SAMD4A: variants seen among roughly 807,000 people sequenced by gnomAD.
SAMD4A encodes the protein protein Smaug homolog 1.
SAMD4A carries 33 observed loss-of-function variants against 81.3 expected under a neutral mutation model. That is an observed-to-expected ratio of 0.41 (90% CI 0.31 to 0.54). SAMD4A has a LOEUF of 0.54. SAMD4A is among the 20% of genes least tolerant of loss of function. SAMD4A has a pLI of 0.37. For missense variants in SAMD4A, 854 were observed against 951.1 expected (o/e 0.90, Z 1.34); for synonymous variants, 389 against 382.1 (o/e 1.02, Z -0.21).
intron 3 of SAMD4A, chr14:54,703,229 G>T (rs2036765351): frequency 6.6e-6 from 1 of 152,536 alleles, no homozygotes; most frequent in Non-Finnish European, 1.5e-5. Context: ...CTTAGGAGAG[G>T]TGGGTCAGGA....
At chr14:54,637,456 C>G (rs1207536127) in intron 2 of SAMD4A, among the ~76,000 whole-genome samples, 1 of 150,332 alleles carries the variant, frequency 6.7e-6, no homozygotes. Context: ...TGGCAGAAAG[C>G]CAGGAGAGGG....
chr14:54,567,044 T>A (rs1177049591), upstream of SAMD4A: 1 of 148,032 alleles, frequency 6.8e-6, no homozygotes, highest in African/African-American at 2.5e-5. Context: ...GGAGGAGGAG[T>A]AAGAGGAGGA....
chr14:54,597,019 C>T (rs2033927077), intron 2 of SAMD4A, among the ~76,000 whole-genome samples: 1 of 151,980 alleles, frequency 6.6e-6, no homozygotes, highest in African/African-American at 2.4e-5. Flanking sequence ...GTTTCATGCC[C>T]ATTGCATTTT....
chr14:54,743,337 C>G (rs1334723006), intron 4 of SAMD4A, among the ~76,000 whole-genome samples: 1 of 152,186 alleles, frequency 6.6e-6, no homozygotes, highest in African/African-American at 2.4e-5. Flanking sequence ...AAGATATGAC[C>G]CACAGGGATG....
chr14:54,783,649 T>C (rs1342335976), intron 11 of SAMD4A, among the ~76,000 whole-genome samples: 1 of 152,244 alleles, frequency 6.6e-6, no homozygotes, highest in Non-Finnish European at 1.5e-5. Context: ...GGCAGGTGGC[T>C]GAGCCCCGGC....
intron 2 of SAMD4A, among the ~76,000 whole-genome samples, chr14:54,586,498 T>C (rs2033622147): frequency 6.6e-6 from 1 of 152,234 alleles, no homozygotes; most frequent in Non-Finnish European, 1.5e-5. Flanking sequence ...ATGACGTCTT[T>C]ACCTAAGCCA....
rs2039238388 is a variant in SAMD4A at position 54,790,360 on chromosome 14, C to G, written c.*1416C>G. 1 of 152,232 alleles carries G rather than the reference C, an allele frequency of 6.6e-6. No homozygotes were observed. Among genetic ancestry groups the G allele is most frequent in the African/African-American group, 2.4e-5 (1 of 41,448 alleles). 9.4% of individuals were successfully genotyped at this position (152,232 alleles called of 1,614,324 possible). ...TTCAAGATGGAAATGACAGCGCTATCCGCACAGTATGAATTAGGGATTTGC... is the reference window on the plus strand; with the variant it reads ...TTCAAGATGGAAATGACAGCGCTATGCGCACAGTATGAATTAGGGATTTGC... On this transcript the variant is annotated 3_prime_UTR_variant, in exon 13 of 13. Coordinates refer to ENST00000554335, the MANE Select transcript of SAMD4A (RefSeq NM_015589.6).
chr14:54,775,594 C>G (rs1701775314), intron 10 of SAMD4A, among the ~76,000 whole-genome samples: 1 of 152,098 alleles, frequency 6.6e-6, no homozygotes, highest in South Asian at 2.1e-4. Context: ...ACATTCTCAG[C>G]CTGCCCAGAG....
chr14:54,703,426 C>T (rs1025464157), intron 3 of SAMD4A: 2 of 152,210 alleles, frequency 1.3e-5, no homozygotes, highest in African/African-American at 2.4e-5. Context: ...TGCACCCTGT[C>T]TTCAAACAGC....
intron 2 of SAMD4A, chr14:54,693,763 T>G (rs1035946863): frequency 6.6e-6 from 1 of 152,192 alleles, no homozygotes; most frequent in Non-Finnish European, 1.5e-5. Flanking sequence ...GAGCTTGCAT[T>G]CTAATGGAGA....
chr14:54,640,482 C>A (rs936888464), intron 2 of SAMD4A, among the ~76,000 whole-genome samples: 4 of 152,104 alleles, frequency 2.6e-5, no homozygotes, highest in African/African-American at 9.7e-5. Flanking sequence ...GCGGGGGAAA[C>A]CTGTGCTGAG....
intron 8 of SAMD4A, among the ~76,000 whole-genome samples, chr14:54,765,874 C>T (rs914842545): frequency 1.3e-5 from 2 of 152,148 alleles, no homozygotes; most frequent in Non-Finnish European, 2.9e-5. Context: ...TCTGGGATTC[C>T]ATCCCAGCTC....
chr14:54,660,484 C>T (rs1485841275), intron 2 of SAMD4A, among the ~76,000 whole-genome samples: 1 of 152,194 alleles, frequency 6.6e-6, no homozygotes, highest in Non-Finnish European at 1.5e-5. Context: ...CACTTATCCC[C>T]TTGTGGGGAG....
chr14:54,765,959 C>A (rs149780663), intron 8 of SAMD4A, among the ~76,000 whole-genome samples: 1 of 152,118 alleles, frequency 6.6e-6, no homozygotes, highest in East Asian at 1.9e-4. Context: ...TGTGCCCAAG[C>A]GGCTCTGGCC....
intron 7 of SAMD4A, among the ~76,000 whole-genome samples, chr14:54,762,051 G>A (rs937289344): frequency 6.6e-6 from 1 of 152,166 alleles, no homozygotes; most frequent in African/African-American, 2.4e-5. Context: ...CTAAAGTTAG[G>A]CCTTCCCACA....
chr14:54,736,405 C>T (rs2140923444), intron 3 of SAMD4A, among the ~76,000 whole-genome samples: 1 of 152,308 alleles, frequency 6.6e-6, no homozygotes, highest in South Asian at 2.1e-4. Context: ...CTTTCACCGA[C>T]AGGTAGCTGC....
At chr14:54,651,322 A>G (rs1251100444) in intron 2 of SAMD4A, among the ~76,000 whole-genome samples, 2 of 152,212 alleles carry the variant, frequency 1.3e-5, no homozygotes, top group African/African-American at 2.4e-5. Flanking sequence ...GTAATGCACC[A>G]AGTAAAGACG....
At chr14:54,616,717 T>C (rs1160348823) in intron 2 of SAMD4A, among the ~76,000 whole-genome samples, 5 of 152,252 alleles carry the variant, frequency 3.3e-5, no homozygotes, top group African/African-American at 9.6e-5. Flanking sequence ...ATTAAACTTA[T>C]TGATTTATTA....
intron 4 of SAMD4A, among the ~76,000 whole-genome samples, chr14:54,744,513 G>A (rs1454169909): frequency 6.6e-6 from 1 of 152,184 alleles, no homozygotes; most frequent in African/African-American, 2.4e-5. Context: ...ACATATACAA[G>A]ATGAGTGTAG....
Sources: allele counts gnomAD v4.1 joint callset (sites outside exome capture counted in the v4.1 genomes callset), GRCh38; gene constraint gnomAD v4.1.1; transcripts MANE v1.5; gene names NCBI Gene and HGNC (gene_info 2026-07-23, HGNC 2026-07-21).